MALRD1: variants seen among roughly 807,000 people sequenced by gnomAD.
MALRD1 encodes MAM and LDL-receptor class A domain-containing protein 1.
A neutral mutation model predicts 242.1 loss-of-function variants in MALRD1; 247 were observed. The observed-to-expected ratio is 1.02, with a 90% confidence interval of 0.92 to 1.13. The LOEUF is 1.13. Ranked by LOEUF, MALRD1 falls within the 50% of genes most tolerant of loss-of-function variation. The pLI, the probability that MALRD1 is intolerant of heterozygous loss-of-function variation, is 0.00. For synonymous variants in MALRD1, 995 were observed against 866.6 expected (o/e 1.15, Z -2.60); for missense variants, 2,989 against 2,533.1 (o/e 1.18, Z -3.86).
intron 38 of MALRD1, among the ~76,000 whole-genome samples, chr10:19,716,517 G>T (rs986163509): frequency 6.6e-6 from 1 of 152,162 alleles, no homozygotes; most frequent in Non-Finnish European, 1.5e-5. Context: ...TATGCTTCCT[G>T]TATAGCCTGC....
intron 36 of MALRD1, among the ~76,000 whole-genome samples, chr10:19,646,291 C>T (rs1840653005): frequency 6.6e-6 from 1 of 152,076 alleles, no homozygotes. Flanking sequence ...AACCAATGAC[C>T]AAAATAGTTG....
intron 13 of MALRD1, among the ~76,000 whole-genome samples, chr10:19,172,217 A>G (rs571670265): frequency 6.7e-6 from 1 of 149,222 alleles, no homozygotes; most frequent in African/African-American, 2.4e-5. Context: ...GTATATGTAT[A>G]TGTATATATC....
chr10:19,267,974 G>C (rs1316095203), intron 19 of MALRD1, among the ~76,000 whole-genome samples: 2 of 152,010 alleles, frequency 1.3e-5, no homozygotes, highest in East Asian at 1.9e-4. Context: ...TGTGTTCTTA[G>C]AAAATAAAAT....
intron 31 of MALRD1, among the ~76,000 whole-genome samples, chr10:19,515,202 A>T (rs1024916691): frequency 2.0e-5 from 3 of 152,152 alleles, no homozygotes; most frequent in Non-Finnish European, 4.4e-5. Flanking sequence ...GGTTTTTCTA[A>T]TTATTTCTAG....
chr10:19,209,700 T>G lies in MALRD1; in HGVS notation c.2991+20T>G. Reference sequence around the variant, plus strand: ...TTTCAGGTATGGATAATAGATTTTATAATGTACATTTGAAATGCATCTGAA... The same window carrying G: ...TTTCAGGTATGGATAATAGATTTTAGAATGTACATTTGAAATGCATCTGAA... On this transcript the variant is annotated intron_variant, in intron 18 of 39. Transcript: ENST00000454679. The G allele has an allele frequency of 6.6e-7, 1 of 1,508,864 alleles. No individual in the cohort carries two copies. The highest frequency in any genetic ancestry group is 8.9e-7 in the Non-Finnish European group (1 of 1,126,802). The allele number at this position is 1,508,864 out of a possible 1,614,324, so 93.5% of individuals were successfully genotyped here.
At chr10:19,223,918 T>C (rs1159078271) in intron 18 of MALRD1, among the ~76,000 whole-genome samples, 1 of 152,206 alleles carries the variant, frequency 6.6e-6, no homozygotes, top group Admixed American at 6.5e-5. Flanking sequence ...ACGGTGTATA[T>C]GTGCCACATA....
chr10:19,404,635 T>G (rs887039377), intron 28 of MALRD1, among the ~76,000 whole-genome samples: 1 of 152,090 alleles, frequency 6.6e-6, no homozygotes, highest in African/African-American at 2.4e-5. Flanking sequence ...AAGTGACATA[T>G]CCATAATAGA....
intron 32 of MALRD1, among the ~76,000 whole-genome samples, chr10:19,544,088 G>A (rs1248599243): frequency 6.6e-6 from 1 of 151,188 alleles, no homozygotes. Flanking sequence ...TATGTGTTGT[G>A]GTTACAGTTT....
intron 24 of MALRD1, among the ~76,000 whole-genome samples, chr10:19,339,148 C>A (rs981344617): frequency 6.6e-6 from 1 of 151,930 alleles, no homozygotes; most frequent in Non-Finnish European, 1.5e-5. Flanking sequence ...TTAGTTTGGA[C>A]TTTATCCCAA....
intron 5 of MALRD1, among the ~76,000 whole-genome samples, chr10:19,106,181 G>C (rs79627505): frequency 0.01 from 1,592 of 151,868 alleles, 28 homozygotes; most frequent in African/African-American, 0.036. Flanking sequence ...ACAGCTTCTA[G>C]TATCTATCAT....
At chr10:19,628,154 A>C (rs948824368) in intron 36 of MALRD1, among the ~76,000 whole-genome samples, 3 of 152,104 alleles carry the variant, frequency 2.0e-5, no homozygotes, top group African/African-American at 7.3e-5. Context: ...TTATGAGACT[A>C]TAGAAACACT....
intron 29 of MALRD1, among the ~76,000 whole-genome samples, chr10:19,479,561 G>C (rs1836894101): frequency 1.3e-5 from 2 of 152,176 alleles, no homozygotes; most frequent in South Asian, 2.1e-4. Context: ...AATTACATGA[G>C]TTAATATATT....
chr10:19,634,248 G>T (rs1396405871), intron 36 of MALRD1, among the ~76,000 whole-genome samples: 1 of 152,158 alleles, frequency 6.6e-6, no homozygotes, highest in Non-Finnish European at 1.5e-5. Context: ...TCCAATGCCA[G>T]ATGAGCAGAA....
At chr10:19,635,876 A>T (rs1481090007) in intron 36 of MALRD1, among the ~76,000 whole-genome samples, 1 of 152,052 alleles carries the variant, frequency 6.6e-6, no homozygotes, top group Non-Finnish European at 1.5e-5. Flanking sequence ...AAAATATTTA[A>T]TTTTTTATTG....
Position 19,454,002 on chromosome 10 carries a change from A to G in MALRD1, c.5029+3512A>G, listed in dbSNP as rs184120706. Among the ~76,000 whole-genome samples the G allele has an allele frequency of 3.0e-3, 462 of 152,236 alleles. 2 individuals are homozygous for G. Among genetic ancestry groups the G allele is most frequent in the African/African-American group, 0.011 (440 of 41,552 alleles). On this transcript the variant is annotated intron_variant, in intron 29 of 39. Coordinates refer to ENST00000454679, the MANE Select transcript of MALRD1 (RefSeq NM_001142308.3). The stretch of plus-strand genomic sequence containing the variant: ...CTAAGCCCAGGAGTTGGAGGTTTCA[A>G]TGAGCCATGATCATGCCACTGCACT...
intron 38 of MALRD1, among the ~76,000 whole-genome samples, chr10:19,726,572 G>A (rs887523557): frequency 1.3e-5 from 2 of 152,120 alleles, no homozygotes; most frequent in Admixed American, 6.5e-5. Context: ...GAGTTACCGT[G>A]TGTTCTATCA....
chr10:19,317,915 A>G (rs1842769081), intron 21 of MALRD1, among the ~76,000 whole-genome samples: 1 of 152,078 alleles, frequency 6.6e-6, no homozygotes, highest in Non-Finnish European at 1.5e-5. Flanking sequence ...TACTTTTGCA[A>G]CACCTGAAAG....
chr10:19,470,490 T>A (rs1836440119), intron 29 of MALRD1, among the ~76,000 whole-genome samples: 1 of 152,078 alleles, frequency 6.6e-6, no homozygotes, highest in Non-Finnish European at 1.5e-5. Flanking sequence ...ATGATAGTTT[T>A]ATTTTTAATT....
chr10:19,229,323 C>T (rs910154845), intron 18 of MALRD1, among the ~76,000 whole-genome samples: 3 of 151,872 alleles, frequency 2.0e-5, no homozygotes, highest in Non-Finnish European at 4.4e-5. Flanking sequence ...GAGATATTTA[C>T]ACCAAAAGAA....
Sources: allele counts gnomAD v4.1 joint callset (sites outside exome capture counted in the v4.1 genomes callset), GRCh38; gene constraint gnomAD v4.1.1; transcripts MANE v1.5; gene names NCBI Gene and HGNC (gene_info 2026-07-23, HGNC 2026-07-21).